The following HNRNPK variants were observed in gnomAD, a reference collection of about 807,000 sequenced individuals.
HNRNPK encodes heterogeneous nuclear ribonucleoprotein K, also known as dC-stretch binding protein.
Under a neutral mutation model 67.0 loss-of-function variants are expected in HNRNPK, and 7 were observed. That is an observed-to-expected ratio of 0.10 (90% CI 0.06 to 0.20). The LOEUF (loss-of-function observed/expected upper bound fraction) is 0.20. Ranked by LOEUF, HNRNPK falls within the 10% of genes least tolerant of loss-of-function variation. The pLI is 1.00. For missense variants in HNRNPK, 264 were observed against 606.5 expected (o/e 0.44, Z 5.93); for synonymous variants, 213 against 193.7 (o/e 1.10, Z -0.83).
chr9:83,973,810 A>C (rs1956957478), intron 8 of HNRNPK, 92 bp downstream of exon 8: 1 of 928,268 alleles, frequency 1.1e-6, no homozygotes, highest in Non-Finnish European at 1.7e-6. Context: ...CTTTTTCTAT[A>C]GAGATGGGAA....
rs1956680492 is a variant in HNRNPK, at chr9:83,968,516, A to G, written c.*891T>C. The G allele has an allele frequency of 6.6e-6, 1 of 152,584 alleles. No individual in the cohort carries two copies. The highest frequency in any genetic ancestry group is 1.5e-5 in the Non-Finnish European group (1 of 68,022). 9.5% of individuals were successfully genotyped at this position (152,584 alleles called of 1,614,324 possible). ...ACTTCCATAACCAAGTGTTATTCTG[A>G]TTAATAAAACTTGCTGCCAATCAGA... On this transcript the variant is annotated 3_prime_UTR_variant, in exon 17 of 17. Transcript: ENST00000376263.
chr9:83,980,549 T>C, upstream of HNRNPK: 1 of 152,878 alleles, frequency 6.5e-6, no homozygotes. Flanking sequence ...TCGAGGTCGG[T>C]GCAGCAGAGA....
intron 3 of HNRNPK, 127 bp from the exon 4 acceptor site, chr9:83,977,913 T>G (rs1212470477): frequency 7.9e-6 from 5 of 634,442 alleles, no homozygotes; most frequent in Non-Finnish European, 1.4e-5. Flanking sequence ...GCTACAGACT[T>G]GAACGTTATG....
intron 6 of HNRNPK, 49 bp from the exon 7 acceptor site, chr9:83,974,638 A>G (rs1424462645): frequency 7.5e-7 from 1 of 1,340,374 alleles, no homozygotes; most frequent in Non-Finnish European, 1.1e-6. Context: ...TGGAAAAGAA[A>G]AATGAGTTTT....
intron 8 of HNRNPK, 80 bp from the exon 9 acceptor site, chr9:83,973,479 T>C: frequency 1.2e-6 from 1 of 825,448 alleles, no homozygotes; most frequent in Non-Finnish European, 2.1e-6. Context: ...AGCATAACAA[T>C]AATATACTGT....
intron 6 of HNRNPK, among the ~76,000 whole-genome samples, chr9:83,975,015 G>A (rs979343978): frequency 6.6e-6 from 1 of 152,190 alleles, no homozygotes; most frequent in Non-Finnish European, 1.5e-5. Context: ...ATGAATACCA[G>A]TTAGAAATTA....
chr9:83,979,236 C>CA (rs1215972918), intron 1 of HNRNPK, among the ~76,000 whole-genome samples: 1 of 152,228 alleles, frequency 6.6e-6, no homozygotes, highest in Admixed American at 6.5e-5. Context: ...AAAGAGCCAA[C>CA]AAGCGAGGCA....
chr9:83,978,279 T>C lies in HNRNPK; in HGVS notation c.-27A>G. ...TTCTTTTATTAAACGGGCACACCAA[T>C]CTGTGGAAAAATAAAGCAGCTAGTA... On this transcript the variant is annotated splice_region_variant and 5_prime_UTR_variant, in exon 3 of 17. Transcript: ENST00000376263. 6.3e-7 allele frequency: 1 copy of C among 1,595,298 alleles called. No individual in the cohort carries two copies. Among genetic ancestry groups the C allele is most frequent in the Non-Finnish European group, 8.5e-7 (1 of 1,172,688 alleles).
Position 83,971,253 on chromosome 9 carries a change from G to C in HNRNPK, c.1092+20C>G, listed in dbSNP as rs752634284. 3 of 1,501,878 alleles carry C rather than the reference G, an allele frequency of 2.0e-6. No homozygotes were observed. The highest frequency in any genetic ancestry group is 1.9e-4 in the Middle Eastern group (1 of 5,318). The allele number at this position is 1,501,878 out of a possible 1,614,324, so 93.0% of individuals were successfully genotyped here. On this transcript the variant is annotated intron_variant, in intron 13 of 16. Transcript: ENST00000376263. ...CTTAAATTATCACTGATATACACAC[G>C]AACAACTATGATACTCAACCTGTGG...
At chr9:83,971,179 G>C (rs200261723) in intron 13 of HNRNPK, 94 bp downstream of exon 13, 61 of 920,762 alleles carry the variant, frequency 6.6e-5, no homozygotes, top group African/African-American at 3.9e-4. Context: ...CCTATTTTCA[G>C]TAAGTATCCT....
chr9:83,971,118 G>A (rs1956816208), intron 13 of HNRNPK, 155 bp downstream of exon 13: 3 of 750,530 alleles, frequency 4.0e-6, no homozygotes, highest in South Asian at 3.1e-5. Flanking sequence ...CACTATTCAA[G>A]TATTTTAATC....
chr9:83,972,301 G>A (rs888416371), intron 10 of HNRNPK, 112 bp from the exon 11 acceptor site: 3 of 769,232 alleles, frequency 3.9e-6, no homozygotes, highest in Non-Finnish European at 6.2e-6. Flanking sequence ...CCATCAGGAG[G>A]TACTAGAGAC....
intron 8 of HNRNPK, among the ~76,000 whole-genome samples, 186 bp downstream of exon 8, chr9:83,973,716 T>C (rs960993614): frequency 6.6e-6 from 1 of 152,226 alleles, no homozygotes; most frequent in African/African-American, 2.4e-5. Context: ...GCAAAGCACT[T>C]TGCAAATGTA....
At chr9:83,979,571 A>G (rs1957263868) in intron 1 of HNRNPK, among the ~76,000 whole-genome samples, 1 of 151,820 alleles carries the variant, frequency 6.6e-6, no homozygotes. Flanking sequence ...GGACGGGAAA[A>G]AGCGAAAGTC....
At chr9:83,973,217 T>A in intron 9 of HNRNPK, 69 bp downstream of exon 9, 1 of 936,858 alleles carries the variant, frequency 1.1e-6, no homozygotes, top group Non-Finnish European at 1.7e-6. Context: ...CGAGAGAAGC[T>A]CACAGAAACA....
chr9:83,973,189 G>A (rs1206026194), intron 9 of HNRNPK, 97 bp downstream of exon 9: 5 of 821,448 alleles, frequency 6.1e-6, no homozygotes, highest in South Asian at 1.5e-5. Context: ...AATCTTTGGA[G>A]GGAACTGAGA....
At chr9:83,974,631 A>G in intron 6 of HNRNPK, 42 bp from the exon 7 acceptor site, 2 of 1,427,038 alleles carry the variant, frequency 1.4e-6, no homozygotes, top group East Asian at 2.3e-5. Flanking sequence ...AAAAAGGTGG[A>G]AAAGAAAAAT....
chr9:83,974,032 G>T, intron 7 of HNRNPK, 59 bp from the exon 8 acceptor site: 2 of 1,088,260 alleles, frequency 1.8e-6, no homozygotes, highest in Non-Finnish European at 2.8e-6. Flanking sequence ...GGCTATTGTC[G>T]CATATATTGG....
intron 3 of HNRNPK, 134 bp downstream of exon 3, chr9:83,978,061 C>T (rs1231383112): frequency 1.6e-6 from 1 of 642,626 alleles, no homozygotes; most frequent in East Asian, 2.7e-5. Context: ...TAAGATGTAA[C>T]TACTGATAAT....
Sources: gnomAD v4.1 joint callset for allele counts (sites outside exome capture counted in the v4.1 genomes callset) on GRCh38, gnomAD v4.1.1 for gene constraint, MANE v1.5 for transcripts, NCBI Gene and HGNC (gene_info 2026-07-23, HGNC 2026-07-21) for gene names.